Variants in PXT1 observed in about 807,000 individuals in gnomAD.
PXT1 encodes the protein peroxisomal testis enriched protein 1.
In PXT1, 11 loss-of-function variants were observed where a neutral mutation model predicts 11.0. That is an observed-to-expected ratio of 1.00 (90% CI 0.63 to 1.66). The LOEUF (loss-of-function observed/expected upper bound fraction) is 1.66. Ranked by LOEUF, PXT1 falls within the 40% of genes most tolerant of loss-of-function variation. PXT1 has a pLI of 0.00. For missense variants in PXT1, 141 were observed against 155.5 expected, an observed-to-expected ratio of 0.91 and a Z score of 0.49; for synonymous variants, 43 against 51.4, an observed-to-expected ratio of 0.84 and a Z score of 0.70.
intron 3 of PXT1, among the ~76,000 whole-genome samples, chr6:36,406,907 C>G (rs929257054): frequency 1.3e-5 from 2 of 152,072 alleles, no homozygotes; most frequent in Non-Finnish European, 2.9e-5. Flanking sequence ...CATAAGCATC[C>G]TCACCAGAAA....
intron 2 of PXT1, among the ~76,000 whole-genome samples, chr6:36,431,478 G>A (rs1330924910): frequency 6.6e-6 from 1 of 152,124 alleles, no homozygotes; most frequent in Non-Finnish European, 1.5e-5. Flanking sequence ...CGTTACAAGA[G>A]TACATTGGCC....
chr6:36,428,432 A>G (rs552185778), intron 2 of PXT1, among the ~76,000 whole-genome samples: 5 of 152,192 alleles, frequency 3.3e-5, no homozygotes, highest in Admixed American at 3.3e-4. Flanking sequence ...AAAGACAACT[A>G]TTCCTAAATG....
At chr6:36,442,252 T>C (rs930027788) in intron 1 of PXT1, among the ~76,000 whole-genome samples, 2 of 152,050 alleles carry the variant, frequency 1.3e-5, no homozygotes, top group Admixed American at 6.6e-5. Flanking sequence ...TGGTCTGGAA[T>C]GCCCAACCTC....
chr6:36,408,962 G>A (rs949887665), intron 3 of PXT1, among the ~76,000 whole-genome samples: 2 of 152,104 alleles, frequency 1.3e-5, no homozygotes, highest in South Asian at 2.1e-4. Flanking sequence ...AGAATCCTAC[G>A]TAAGGACCTC....
At chr6:36,436,113 C>CAAAAAAAAAAAAAAAAAAAGAAAAA in intron 2 of PXT1, among the ~76,000 whole-genome samples, 1 of 60,088 alleles carries the variant, frequency 1.7e-5, no homozygotes. Context: ...AAAAGTAAGC[C>CAAAAAAAAAAAAAAAAAAAGAAAAA]AAAAAAAAAA....
chr6:36,432,900 C>A (rs912871133), intron 2 of PXT1, among the ~76,000 whole-genome samples: 1 of 150,458 alleles, frequency 6.6e-6, no homozygotes, highest in African/African-American at 2.5e-5. Context: ...AGATGTAGAA[C>A]TTCATAACCA....
At chr6:36,395,390 T>C (rs1443271083) in intron 4 of PXT1, among the ~76,000 whole-genome samples, 2 of 151,386 alleles carry the variant, frequency 1.3e-5, no homozygotes, top group Non-Finnish European at 2.9e-5. Flanking sequence ...ATGATGACTA[T>C]ATAGGAAAGA....
chr6:36,395,828 T>C (rs1344465880), intron 4 of PXT1, among the ~76,000 whole-genome samples: 1 of 152,010 alleles, frequency 6.6e-6, no homozygotes, highest in African/African-American at 2.4e-5. Context: ...GGTGAAATCC[T>C]GTCTCTACAA....
chr6:36,397,849 A>G (rs190725239), intron 4 of PXT1, among the ~76,000 whole-genome samples: 1 of 152,072 alleles, frequency 6.6e-6, no homozygotes, highest in Non-Finnish European at 1.5e-5. Flanking sequence ...AAAATAAAAT[A>G]AAATAAAAAT....
intron 3 of PXT1, among the ~76,000 whole-genome samples, chr6:36,422,794 T>C (rs1433215540): frequency 6.6e-6 from 1 of 152,236 alleles, no homozygotes; most frequent in Non-Finnish European, 1.5e-5. Context: ...TCTACAATTA[T>C]ATTTCCCATT....
chr6:36,421,004 A>G (rs988237504), intron 3 of PXT1, among the ~76,000 whole-genome samples: 1 of 151,910 alleles, frequency 6.6e-6, no homozygotes, highest in Non-Finnish European at 1.5e-5. Flanking sequence ...GCAGCGAGCC[A>G]AGATTGTGCC....
intron 4 of PXT1, among the ~76,000 whole-genome samples, chr6:36,399,255 C>A (rs984782433): frequency 1.3e-5 from 2 of 152,066 alleles, no homozygotes; most frequent in Admixed American, 6.6e-5. Context: ...AAGAGATTGT[C>A]CTGCCTCAGC....
At chr6:36,404,693 C>T (rs369388212) in intron 3 of PXT1, among the ~76,000 whole-genome samples, 2 of 151,528 alleles carry the variant, frequency 1.3e-5, no homozygotes, top group East Asian at 1.9e-4. Context: ...CGCAGTGGCT[C>T]ACGCCTGTAA....
chr6:36,393,050 C>G (rs948730181), intron 4 of PXT1: 1 of 152,424 alleles, frequency 6.6e-6, no homozygotes, highest in African/African-American at 2.4e-5. Flanking sequence ...CGGCTCACCA[C>G]AACCTCCACC....
intron 4 of PXT1, among the ~76,000 whole-genome samples, chr6:36,396,417 C>T (rs1041638776): frequency 6.6e-6 from 1 of 152,226 alleles, no homozygotes; most frequent in Non-Finnish European, 1.5e-5. Flanking sequence ...CCTACCCCTA[C>T]CCCTGAAGGC....
chr6:36,392,097 T>G (rs141559097), intron 4 of PXT1: 11 of 458,562 alleles, frequency 2.4e-5, no homozygotes, highest in African/African-American at 1.2e-4. Flanking sequence ...TCTGACCGTC[T>G]TTCCCACCTG....
At chr6:36,394,740 AT>A (rs1170669801) in intron 4 of PXT1, among the ~76,000 whole-genome samples, 1 of 151,958 alleles carries the variant, frequency 6.6e-6, no homozygotes, top group Admixed American at 6.6e-5. Context: ...AAAAAACTGA[AT>A]TAAAAAAAAA....
At chr6:36,415,947 T>A (rs501947) in intron 3 of PXT1, among the ~76,000 whole-genome samples, 9,042 of 152,218 alleles carry the variant, frequency 0.059, 460 homozygotes, top group African/African-American at 0.14. Context: ...TATTTACCCC[T>A]GAAGACATCA....
intron 1 of PXT1, among the ~76,000 whole-genome samples, chr6:36,441,399 T>C (rs1481722427): frequency 6.6e-6 from 1 of 152,200 alleles, no homozygotes; most frequent in Non-Finnish European, 1.5e-5. Context: ...TCTCCAGGCA[T>C]ACAGGAATTT....
Sources: gnomAD v4.1 joint callset for allele counts (sites outside exome capture counted in the v4.1 genomes callset) on GRCh38, gnomAD v4.1.1 for gene constraint, MANE v1.5 for transcripts, NCBI Gene and HGNC (gene_info 2026-07-23, HGNC 2026-07-21) for gene names.